The following NBAS variants were observed in gnomAD, a reference collection of about 807,000 sequenced individuals.
NBAS encodes NAG/BC035112 fusion.
A neutral mutation model predicts 302.5 loss-of-function variants in NBAS; 219 were observed. The observed-to-expected ratio is 0.72, with a 90% CI of 0.65 to 0.81. The LOEUF (loss-of-function observed/expected upper bound fraction) is 0.81, where lower values mean the gene tolerates loss of function less well. Ranked by LOEUF, NBAS falls within the 30% of genes least tolerant of loss-of-function variation. The pLI is 0.00. For missense variants in NBAS, 2,932 were observed against 2,841.6 expected, an observed-to-expected ratio of 1.03 and a Z score of -0.72; for synonymous variants, 1,118 against 1,021.6, an observed-to-expected ratio of 1.09 and a Z score of -1.80.
chr2:15,084,651 G>T, the NBAS span, among the ~76,000 whole-genome samples: 1 of 150,264 alleles, frequency 6.7e-6, no homozygotes, highest in Non-Finnish European at 1.5e-5. Flanking sequence ...GGCAGGAAAA[G>T]CTGTGCTCAC....
At chr2:15,429,376 T>A (rs1677648409) in intron 21 of NBAS, among the ~76,000 whole-genome samples, 1 of 152,222 alleles carries the variant, frequency 6.6e-6, no homozygotes, top group Non-Finnish European at 1.5e-5. Context: ...AATAGTAGCA[T>A]TTTCCTAAAA....
the NBAS span, among the ~76,000 whole-genome samples, chr2:14,989,951 CT>C: frequency 6.6e-6 from 1 of 152,062 alleles, no homozygotes; most frequent in East Asian, 1.9e-4. Flanking sequence ...CATTACAATT[CT>C]TTTTTTAAAA....
chr2:14,846,686 T>A, the NBAS span, among the ~76,000 whole-genome samples: 3 of 152,040 alleles, frequency 2.0e-5, no homozygotes, highest in African/African-American at 4.8e-5. Context: ...GGGGTAAAGT[T>A]ATAGAGTTTT....
intron 23 of NBAS, among the ~76,000 whole-genome samples, chr2:15,419,836 C>G (rs181424669): frequency 1.5e-4 from 23 of 151,686 alleles, no homozygotes; most frequent in African/African-American, 5.3e-4. Flanking sequence ...CTCAGCCTCC[C>G]GAGTAGTTGG....
intron 28 of NBAS, among the ~76,000 whole-genome samples, chr2:15,386,183 C>A (rs965040542): frequency 6.6e-6 from 1 of 152,076 alleles, no homozygotes; most frequent in African/African-American, 2.4e-5. Context: ...AGTATAGTTG[C>A]AGTGTAACAC....
At chr2:15,207,073 T>C (rs1445721847) in intron 48 of NBAS, among the ~76,000 whole-genome samples, 1 of 152,086 alleles carries the variant, frequency 6.6e-6, no homozygotes, top group Non-Finnish European at 1.5e-5. Flanking sequence ...CCATAGGCAA[T>C]CAACGCCAGC....
At chr2:14,977,480 T>A in the NBAS span, among the ~76,000 whole-genome samples, 1 of 152,230 alleles carries the variant, frequency 6.6e-6, no homozygotes, top group South Asian at 2.1e-4. Context: ...GGTATTCAAA[T>A]TTTAGCTTCA....
At chr2:15,440,800 G>A (rs1332165079) in intron 21 of NBAS, among the ~76,000 whole-genome samples, 1 of 152,030 alleles carries the variant, frequency 6.6e-6, no homozygotes, top group East Asian at 1.9e-4. Flanking sequence ...CCAATACAGA[G>A]AAGTGCTTAA....
At chr2:15,466,058 T>C (rs1384218902) in intron 19 of NBAS, among the ~76,000 whole-genome samples, 2 of 152,172 alleles carry the variant, frequency 1.3e-5, no homozygotes, top group Non-Finnish European at 2.9e-5. Context: ...TAAGAGTGTT[T>C]TGTAACTTGT....
the NBAS span, among the ~76,000 whole-genome samples, chr2:14,824,850 AC>A: frequency 6.6e-6 from 1 of 152,022 alleles, no homozygotes; most frequent in African/African-American, 2.4e-5. Flanking sequence ...TTAGAATTCC[AC>A]CAAGCAGTGA....
the NBAS span, among the ~76,000 whole-genome samples, chr2:14,817,608 G>C: frequency 6.6e-6 from 1 of 152,042 alleles, no homozygotes; most frequent in Non-Finnish European, 1.5e-5. Context: ...GTAGAGAGAA[G>C]GATTCTTGAT....
intron 48 of NBAS, among the ~76,000 whole-genome samples, chr2:15,206,336 C>A (rs1666142983): frequency 6.6e-6 from 1 of 151,334 alleles, no homozygotes; most frequent in East Asian, 1.9e-4. Context: ...CTCATATGCA[C>A]AAAGACAGAG....
At chr2:15,146,893 C>T in the NBAS span, among the ~76,000 whole-genome samples, 1 of 152,144 alleles carries the variant, frequency 6.6e-6, no homozygotes, top group Non-Finnish European at 1.5e-5. Flanking sequence ...GGGGACATGA[C>T]TCTTAGACCT....
the NBAS span, among the ~76,000 whole-genome samples, chr2:14,905,617 C>A: frequency 6.6e-6 from 1 of 152,168 alleles, no homozygotes; most frequent in Non-Finnish European, 1.5e-5. Context: ...ATTTATCTGC[C>A]TCCTTCATGT....
intron 47 of NBAS, among the ~76,000 whole-genome samples, chr2:15,229,347 CA>C (rs61152926): frequency 0.075 from 5,742 of 76,750 alleles, 216 homozygotes; most frequent in Middle Eastern, 0.17. Flanking sequence ...TCTCAAAAAA[CA>C]AAAAAAAAAA....
chr2:15,300,034 G>A (rs937965036), intron 40 of NBAS, among the ~76,000 whole-genome samples: 1 of 152,176 alleles, frequency 6.6e-6, no homozygotes, highest in African/African-American at 2.4e-5. Flanking sequence ...AAGGAAAAAT[G>A]CAGGCGAGGG....
chr2:14,979,016 C>T, the NBAS span, among the ~76,000 whole-genome samples: 1 of 152,016 alleles, frequency 6.6e-6, no homozygotes, highest in African/African-American at 2.4e-5. Flanking sequence ...TAGTCATAGC[C>T]CAGGTTGGGG....
the NBAS span, among the ~76,000 whole-genome samples, chr2:15,002,414 C>CCCCACCAGACTCAGGAGCCCAGCTGG: frequency 3.9e-5 from 6 of 152,298 alleles, no homozygotes; most frequent in South Asian, 4.1e-4. Flanking sequence ...TTCTCCACGT[C>CCCCACCAGACTCAGGAGCCCAGCTGG]CCCACCAGAC....
intron 3 of NBAS, among the ~76,000 whole-genome samples, chr2:15,555,279 T>C (rs1470125796): frequency 6.8e-6 from 1 of 147,954 alleles, no homozygotes; most frequent in African/African-American, 2.6e-5. Context: ...AAAAAAAAAT[T>C]AGTAATATAC....
Sources: allele counts gnomAD v4.1 joint callset (sites outside exome capture counted in the v4.1 genomes callset), GRCh38; gene constraint gnomAD v4.1.1; transcripts MANE v1.5; gene names NCBI Gene and HGNC (gene_info 2026-07-23, HGNC 2026-07-21).